ZNF410: variants seen among roughly 807,000 people sequenced by gnomAD.
ZNF410 encodes the protein another partner for ARF 1.
Under a neutral mutation model 54.8 loss-of-function variants are expected in ZNF410, and 18 were observed. The ratio of observed to expected loss-of-function variants is 0.33; its 90% CI spans 0.23 to 0.49. The LOEUF (loss-of-function observed/expected upper bound fraction) is 0.49. Among genes scored for constraint, ZNF410 ranks in the 20% least tolerant of loss-of-function variants. The probability of loss-of-function intolerance (pLI) is 0.99; values close to 1 mark genes in which losing one functional copy is unlikely to be tolerated. For synonymous variants in ZNF410, 191 were observed against 207.3 expected, an observed-to-expected ratio of 0.92 and a Z score of 0.68; for missense variants, 405 against 569.6, an observed-to-expected ratio of 0.71 and a Z score of 2.94.
At chr14:73,893,632 G>A (rs749369353) in intron 2 of ZNF410, 165 bp from the exon 3 acceptor site, 8 of 768,208 alleles carry the variant, frequency 1.0e-5, no homozygotes, top group Admixed American at 3.7e-5. Context: ...CTGTTCTCTA[G>A]AACAGAGAAC....
At chr14:73,912,476 C>T (rs1170448503) in intron 8 of ZNF410, among the ~76,000 whole-genome samples, 2 of 152,136 alleles carry the variant, frequency 1.3e-5, no homozygotes, top group Admixed American at 6.6e-5. Flanking sequence ...CAACCTTTCA[C>T]CTTTTGATTT....
intron 10 of ZNF410, 112 bp downstream of exon 10, chr14:73,922,318 G>T: frequency 8.6e-7 from 1 of 1,164,590 alleles, no homozygotes; most frequent in Non-Finnish European, 1.2e-6. Flanking sequence ...AGTAGCTGTG[G>T]TATGAGTAGC....
intron 5 of ZNF410, among the ~76,000 whole-genome samples, chr14:73,899,685 T>A (rs1184504695): frequency 1.3e-5 from 2 of 152,196 alleles, no homozygotes; most frequent in African/African-American, 4.8e-5. Flanking sequence ...ATTTACTGGT[T>A]CCCTGCCTTG....
intron 10 of ZNF410, 174 bp downstream of exon 10, chr14:73,922,380 T>C (rs542747303): frequency 9.3e-6 from 5 of 535,836 alleles, no homozygotes; most frequent in Non-Finnish European, 1.4e-5. Context: ...TAAAAAAAAA[T>C]TTTTTTTCAT....
intron 11 of ZNF410, chr14:73,924,621 G>C: frequency 2.3e-6 from 1 of 426,554 alleles, no homozygotes; most frequent in Non-Finnish European, 4.6e-6. Flanking sequence ...CTGTAGCTTG[G>C]ATCCTTTCAG....
chr14:73,916,281 A>G (rs2055666122), intron 8 of ZNF410: 1 of 152,166 alleles, frequency 6.6e-6, no homozygotes, highest in South Asian at 2.1e-4. Flanking sequence ...CCCTGGTTCA[A>G]GTGATTCTCA....
chr14:73,920,638 G>A (rs1405666080), intron 8 of ZNF410: 1 of 195,270 alleles, frequency 5.1e-6, no homozygotes, highest in African/African-American at 2.3e-5. Flanking sequence ...AATCCTTGAG[G>A]AAAGCACATG....
At chr14:73,894,312 G>T in intron 3 of ZNF410, 1 of 701,950 alleles carries the variant, frequency 1.4e-6, no homozygotes, top group Non-Finnish European at 2.6e-6. Flanking sequence ...CTACTGACAG[G>T]CCCAGTGAAA....
intron 7 of ZNF410, 47 bp from the exon 8 acceptor site, chr14:73,909,294 A>G: frequency 1.3e-6 from 2 of 1,494,198 alleles, no homozygotes; most frequent in Non-Finnish European, 1.9e-6. Flanking sequence ...GTAACAGGTA[A>G]TCAGTTCATC....
At chr14:73,905,994 T>TATATATAC (rs1293177402) in intron 7 of ZNF410, among the ~76,000 whole-genome samples, 24 of 136,590 alleles carry the variant, frequency 1.8e-4, no homozygotes, top group African/African-American at 3.5e-4. Flanking sequence ...TATATATATA[T>TATATATAC]ACACACATAC....
intron 7 of ZNF410, among the ~76,000 whole-genome samples, chr14:73,905,898 C>A (rs1253911002): frequency 6.7e-6 from 1 of 148,932 alleles, no homozygotes; most frequent in Non-Finnish European, 1.5e-5. Context: ...CATATATATA[C>A]ATACATATAT....
chr14:73,922,102 C>G lies in ZNF410; in HGVS notation c.1166C>G (p.Ala389Gly), dbSNP rs2055764670. The G allele has an allele frequency of 6.2e-7, 1 of 1,614,138 alleles. No homozygotes were observed. Among genetic ancestry groups the G allele is most frequent in the Non-Finnish European group, 8.5e-7 (1 of 1,180,022 alleles). Residue 389 changes from alanine to glycine, a missense_variant, in exon 10 of 12, where the codon GCT becomes GGT. Ala to Gly is a moderately conservative substitution (Grantham distance 60). This residue lies in a region of ZNF410 where 127 missense variants were observed against 141.3 expected (regional missense o/e 0.90). Transcript: ENST00000555044. Reference sequence around the variant, plus strand: ...ATGGGCAGTAGTTTGCTTGAAGAGGCTTCAGTACCCAGTAAAAACCTGGTG... The same window carrying G: ...ATGGGCAGTAGTTTGCTTGAAGAGGGTTCAGTACCCAGTAAAAACCTGGTG... ...PLMGSSLLEE[A>G]SVPSKNLVSM...
In ZNF410 at chr14:73,898,188, A is replaced by G; in HGVS notation, c.506A>G (p.Gln169Arg). 1 of 1,614,164 alleles carries G rather than the reference A, an allele frequency of 6.2e-7. No homozygotes were observed. Among genetic ancestry groups the G allele is most frequent in the Non-Finnish European group, 8.5e-7 (1 of 1,180,042 alleles). The part of the protein sequence containing the change: ...DSSIPWFLRV[Q>R]ELAHDSLIAA... ...AGCATTCCATGGTTCCTCCGGGTTCAGGAGTTGGCCCATGACAGTTTGATT... is the reference window on the plus strand; with the variant it reads ...AGCATTCCATGGTTCCTCCGGGTTCGGGAGTTGGCCCATGACAGTTTGATT... The change falls in exon 5 of 12, where the codon CAG becomes CGG. Residue 169 changes from glutamine (Q) to arginine (R), a missense_variant. By Grantham distance (43) the Gln-to-Arg change is conservative. Coordinates refer to ENST00000555044, the MANE Select transcript of ZNF410 (RefSeq NM_021188.3).
chr14:73,903,799 C>T (rs2055442326), intron 5 of ZNF410, 161 bp from the exon 6 acceptor site: 2 of 1,003,464 alleles, frequency 2.0e-6, no homozygotes, highest in Non-Finnish European at 2.9e-6. Flanking sequence ...CCATGCCTGG[C>T]CAAGTTTCTG....
chr14:73,904,871 G>T lies in ZNF410; in HGVS notation c.732-31G>T, dbSNP rs577966890. The T allele has an allele frequency of 1.9e-6, 3 of 1,607,672 alleles. No individual in the cohort carries two copies. In the South Asian group the frequency reaches 3.3e-5, roughly 18 times the overall value. ...TCATCTCTAGCAAAGAGTGTTTTCA[G>T]ATATTTTTCCTTATGTGATTATTTT... On this transcript the variant is annotated intron_variant, in intron 6 of 11. Transcript: ENST00000555044.
intron 3 of ZNF410, among the ~76,000 whole-genome samples, chr14:73,895,690 C>T (rs1237516844): frequency 6.6e-6 from 1 of 152,060 alleles, no homozygotes; most frequent in Non-Finnish European, 1.5e-5. Flanking sequence ...ACAGGCCGGG[C>T]GTGGTGGCTC....
In ZNF410 at chr14:73,896,106, ATTC is replaced by A. The variant is rs2055313404; in HGVS notation, c.170-208_170-206del. ...AACCATTACTGCCAAGTGACAGAGA[ATTC>A]TGTTCCTCACGTTTTGGCTGACTGC... On this transcript the variant is annotated intron_variant, in intron 3 of 11. Coordinates refer to ENST00000555044, the MANE Select transcript of ZNF410 (RefSeq NM_021188.3). The A allele has an allele frequency of 7.2e-6, 4 of 555,208 alleles. No homozygotes were observed. In the South Asian group the frequency reaches 9.3e-5, roughly 13 times the overall value. 34.4% of individuals were successfully genotyped at this position (555,208 alleles called of 1,614,324 possible). A position where few individuals can be genotyped will look rare whatever the true frequency, so the allele number is the denominator to read the frequency against.
chr14:73,890,606 G>A (rs964673838), intron 1 of ZNF410, among the ~76,000 whole-genome samples: 13 of 152,172 alleles, frequency 8.5e-5, no homozygotes, highest in African/African-American at 2.9e-4. Context: ...ATTTTACACT[G>A]TATGATTATT....
At chr14:73,892,599 T>A (rs1271713630) in intron 2 of ZNF410, among the ~76,000 whole-genome samples, 1 of 152,124 alleles carries the variant, frequency 6.6e-6, no homozygotes, top group African/African-American at 2.4e-5. Flanking sequence ...TCTTTCTAAA[T>A]GTGATTGGGG....
Sources: gnomAD v4.1 joint callset for allele counts (sites outside exome capture counted in the v4.1 genomes callset) on GRCh38, gnomAD v4.1.1 for gene constraint, gnomAD v4.1.1 regional missense constraint, MANE v1.5 for transcripts, NCBI Gene and HGNC (gene_info 2026-07-23, HGNC 2026-07-21) for gene names.